The following TDP2 variants were observed in gnomAD, a reference collection of about 807,000 sequenced individuals.
The protein encoded by TDP2 is 5'-Tyr-DNA phosphodiesterase.
Under a neutral mutation model 42.8 loss-of-function variants are expected in TDP2, and 38 were observed. The ratio of observed to expected loss-of-function variants is 0.89; its 90% CI spans 0.68 to 1.16. The LOEUF is 1.16. Among genes scored for constraint, TDP2 ranks in the 50% most tolerant of loss-of-function variants. The pLI is 0.00. For synonymous variants in TDP2, 173 were observed against 150.6 expected (o/e 1.15, Z -1.09); for missense variants, 439 against 439.3 (o/e 1.00, Z 0.01).
chr6:24,653,281 A>G (rs1778002815), intron 5 of TDP2, 128 bp from the exon 6 acceptor site: 2 of 948,604 alleles, frequency 2.1e-6, no homozygotes, highest in Non-Finnish European at 3.2e-6. Context: ...AATCAGCACT[A>G]TGCCTATCCC....
intron 2 of TDP2, among the ~76,000 whole-genome samples, chr6:24,664,466 G>A (rs1778201341): frequency 1.3e-5 from 2 of 152,034 alleles, no homozygotes; most frequent in Admixed American, 1.3e-4. Flanking sequence ...GTTTTAAGAG[G>A]ATTTCCCTTG....
intron 2 of TDP2, among the ~76,000 whole-genome samples, chr6:24,660,631 A>G (rs1229182698): frequency 1.3e-5 from 2 of 152,232 alleles, no homozygotes; most frequent in African/African-American, 4.8e-5. Flanking sequence ...TATCATTGAT[A>G]TAAGTTTTTC....
chr6:24,654,937 C>A (rs3181234), intron 4 of TDP2, among the ~76,000 whole-genome samples: 1 of 152,036 alleles, frequency 6.6e-6, no homozygotes, highest in Non-Finnish European at 1.5e-5. Flanking sequence ...ACTCGGGAGG[C>A]TGAATTAGGC....
At chr6:24,652,831 T>C (rs1777995930) in intron 6 of TDP2, 152 bp downstream of exon 6, 8 of 798,434 alleles carry the variant, frequency 1.0e-5, no homozygotes, top group South Asian at 6.3e-5. Context: ...GCATACAGCA[T>C]AGGCTAAACA....
At chr6:24,658,518 T>C (rs1374004590) in intron 3 of TDP2, 43 bp downstream of exon 3, 8 of 1,497,612 alleles carry the variant, frequency 5.3e-6, no homozygotes, top group Non-Finnish European at 7.3e-6. Flanking sequence ...ACTTTGTATA[T>C]ACATAAGACA....
intron 4 of TDP2, among the ~76,000 whole-genome samples, chr6:24,654,993 G>A (rs944987911): frequency 6.6e-6 from 1 of 152,152 alleles, no homozygotes; most frequent in African/African-American, 2.4e-5. Context: ...AGCTGAGATC[G>A]TGCCATCGCA....
In TDP2 at chr6:24,653,162, G is replaced by A. The variant is rs747711301; in HGVS notation, c.637-9C>T. 3 of 1,613,590 alleles carry A rather than the reference G, an allele frequency of 1.9e-6. No individual in the cohort carries two copies. In the Admixed American group the frequency reaches 5.0e-5, roughly 27 times the overall value. On this transcript the variant is annotated splice_polypyrimidine_tract_variant and intron_variant, in intron 5 of 6. Coordinates refer to ENST00000378198, the MANE Select transcript of TDP2 (RefSeq NM_016614.3). ...TTTCCTGACACGTTCACCTGCAGCA[G>A]GACAAACAGTCATTAAAACTGTCCA...
chr6:24,666,697 C>T lies in TDP2; in HGVS notation c.165+1G>A, dbSNP rs753826333. The T allele has an allele frequency of 6.2e-7, 1 of 1,614,280 alleles. No individual in the cohort carries two copies. The highest frequency in any genetic ancestry group is 1.1e-5 in the South Asian group (1 of 91,090). On this transcript the variant is annotated splice_donor_variant, in intron 1 of 6. Transcript: ENST00000378198. LOFTEE classifies it high-confidence loss of function. The stretch of plus-strand genomic sequence containing the variant: ...CGGAAGCGAGGACAGCGAAAGCGTA[C>T]TTCCATCTCCCAGTCGTTCTCGGCC...
At chr6:24,666,497 G>A (rs899745970) in intron 2 of TDP2, 29 bp downstream of exon 2, 1 of 1,607,638 alleles carries the variant, frequency 6.2e-7, no homozygotes, top group Non-Finnish European at 8.5e-7. Context: ...CCTCCGTGCG[G>A]ACTGGCTCCC....
chr6:24,654,321 TCTA>T (rs1334612735), intron 5 of TDP2, 88 bp downstream of exon 5: 2 of 626,196 alleles, frequency 3.2e-6, no homozygotes, highest in African/African-American at 1.9e-5. Flanking sequence ...CAAATTTTTC[TCTA>T]AAGGCAATGG....
intron 2 of TDP2, among the ~76,000 whole-genome samples, chr6:24,663,693 G>A (rs1221172554): frequency 6.6e-6 from 1 of 152,128 alleles, no homozygotes; most frequent in Non-Finnish European, 1.5e-5. Context: ...CTCTCCATGT[G>A]ATACCTGGGC....
At chr6:24,655,356 G>A (rs533452028) in intron 4 of TDP2, among the ~76,000 whole-genome samples, 7 of 152,252 alleles carry the variant, frequency 4.6e-5, no homozygotes, top group East Asian at 1.9e-4. Flanking sequence ...CAGAAGAGAA[G>A]GAAACCACTT....
rs1162202567 is a variant in TDP2, at chr6:24,650,862, A to G, written c.1015T>C (p.Leu339=). Residue 339 remains leucine (L), a synonymous_variant, in exon 7 of 7, where the codon TTA becomes CTA. Coordinates refer to ENST00000378198, the MANE Select transcript of TDP2 (RefSeq NM_016614.3). ...IIPRSLDLLG[L]EKLDCGRFPS... is the part of the protein sequence containing the mutation. Reference sequence around the variant, plus strand: ...AATCTACCACAGTCCAGTTTTTCTAATCCAAGAAGGTCCAAACTTCGGGGA... The same window carrying G: ...AATCTACCACAGTCCAGTTTTTCTAGTCCAAGAAGGTCCAAACTTCGGGGA... The G allele has an allele frequency of 6.2e-7, 1 of 1,614,178 alleles. No individual in the cohort carries two copies. Among genetic ancestry groups the G allele is most frequent in the East Asian group, 2.2e-5 (1 of 44,874 alleles).
intron 4 of TDP2, among the ~76,000 whole-genome samples, chr6:24,655,376 T>C (rs1202206052): frequency 6.6e-6 from 1 of 152,172 alleles, no homozygotes; most frequent in African/African-American, 2.4e-5. Context: ...TGAGTGACTG[T>C]AGCAGAGAAC....
intron 2 of TDP2, among the ~76,000 whole-genome samples, chr6:24,660,624 C>T (rs1778126544): frequency 6.6e-6 from 1 of 152,160 alleles, no homozygotes; most frequent in Non-Finnish European, 1.5e-5. Context: ...AGAAGATTAT[C>T]ATTGATATAA....
chr6:24,662,058 A>G (rs1778157476), intron 2 of TDP2, among the ~76,000 whole-genome samples: 1 of 152,106 alleles, frequency 6.6e-6, no homozygotes, highest in Non-Finnish European at 1.5e-5. Flanking sequence ...ATGCTTGGTA[A>G]AAGTCATCGC....
At chr6:24,653,246 T>C (rs1264473051) in intron 5 of TDP2, 93 bp from the exon 6 acceptor site, 1 of 1,284,666 alleles carries the variant, frequency 7.8e-7, no homozygotes, top group Non-Finnish European at 1.1e-6. Flanking sequence ...TCAAATGGTA[T>C]ATATTTACTA....
At chr6:24,662,172 G>C (rs1237817479) in intron 2 of TDP2, among the ~76,000 whole-genome samples, 1 of 152,092 alleles carries the variant, frequency 6.6e-6, no homozygotes, top group Non-Finnish European at 1.5e-5. Flanking sequence ...CCCCCACTGA[G>C]ACAGCCTGAG....
chr6:24,660,284 G>A (rs1778119601), intron 2 of TDP2, among the ~76,000 whole-genome samples: 1 of 152,166 alleles, frequency 6.6e-6, no homozygotes, highest in South Asian at 2.1e-4. Context: ...GGAGAAGCGT[G>A]TCATTAGGTG....
Sources: allele counts gnomAD v4.1 joint callset (sites outside exome capture counted in the v4.1 genomes callset), GRCh38; gene constraint gnomAD v4.1.1; transcripts MANE v1.5; gene names NCBI Gene and HGNC (gene_info 2026-07-23, HGNC 2026-07-21).